Variants in CNTLN observed in about 807,000 individuals in gnomAD.
CNTLN encodes the protein centlein.
A neutral mutation model predicts 180.0 loss-of-function variants in CNTLN; 212 were observed. That is an observed-to-expected ratio of 1.18 (90% CI 1.05 to 1.32). The LOEUF is 1.32. Ranked by LOEUF, CNTLN falls within the 40% of genes most tolerant of loss-of-function variation. CNTLN has a pLI of 0.00. For synonymous variants in CNTLN, 722 were observed against 563.1 expected (o/e 1.28, Z -3.99); for missense variants, 2,095 against 1,610.9 (o/e 1.30, Z -5.14).
At chr9:17,461,097 TA>T (rs1163403927) in intron 19 of CNTLN, among the ~76,000 whole-genome samples, 1 of 151,536 alleles carries the variant, frequency 6.6e-6, no homozygotes, top group African/African-American at 2.4e-5. Context: ...CAGTAGTCCC[TA>T]AAGCCATCAC....
intron 18 of CNTLN, among the ~76,000 whole-genome samples, chr9:17,418,152 A>G (rs1412713814): frequency 6.6e-6 from 1 of 151,964 alleles, no homozygotes; most frequent in Non-Finnish European, 1.5e-5. Context: ...AGATGATAGA[A>G]AGGTCCAAGA....
chr9:17,177,944 G>T (rs909653675), intron 2 of CNTLN, among the ~76,000 whole-genome samples: 87 of 152,106 alleles, frequency 5.7e-4, no homozygotes, highest in Non-Finnish European at 1.0e-3. Flanking sequence ...TTTTGACAGG[G>T]TGCTGATTGG....
intron 2 of CNTLN, among the ~76,000 whole-genome samples, chr9:17,158,887 TA>T (rs1382885275): frequency 6.6e-6 from 1 of 152,058 alleles, no homozygotes; most frequent in Non-Finnish European, 1.5e-5. Flanking sequence ...TAATTTTTAT[TA>T]TTTCCTTCAT....
chr9:17,229,444 T>C (rs1824677275), intron 3 of CNTLN, among the ~76,000 whole-genome samples: 1 of 151,940 alleles, frequency 6.6e-6, no homozygotes, highest in Non-Finnish European at 1.5e-5. Context: ...ACTGATTTGT[T>C]TTAAGTAATA....
chr9:17,187,396 A>G (rs1198656528), intron 2 of CNTLN, among the ~76,000 whole-genome samples: 1 of 152,030 alleles, frequency 6.6e-6, no homozygotes, highest in East Asian at 1.9e-4. Context: ...TTTAAGGTTG[A>G]GAAAATGAGA....
rs12380098 is a variant in CNTLN at position 17,471,983 on chromosome 9, T to A, written c.3855+5092T>A. The stretch of plus-strand genomic sequence containing the variant: ...ATGGGTGGAAGGTAAAACATTTCAG[T>A]GAACCTAGCACAGTGAAGGCTCTAC... On this transcript the variant is annotated intron_variant, in intron 23 of 25. Coordinates refer to ENST00000380647, the MANE Select transcript of CNTLN (RefSeq NM_017738.4). Among the ~76,000 whole-genome samples the A allele has an allele frequency of 2.3e-3, 345 of 152,220 alleles. 2 individuals carry two copies. Among genetic ancestry groups the A allele is most frequent in the Middle Eastern group, 3.4e-3 (1 of 294 alleles).
chr9:17,312,538 C>T (rs1819264640), intron 8 of CNTLN, among the ~76,000 whole-genome samples: 1 of 147,260 alleles, frequency 6.8e-6, no homozygotes, highest in Non-Finnish European at 1.5e-5. Flanking sequence ...AGGTGCCCGC[C>T]ACCAAGCCCG....
rs114137217 is a variant in CNTLN at position 17,489,868 on chromosome 9, C to T, written c.4119+2802C>T. Among the ~76,000 whole-genome samples, 1,409 of 152,156 alleles carry T rather than the reference C, an allele frequency of 9.3e-3. 24 individuals are homozygous for T. Among genetic ancestry groups the T allele is most frequent in the African/African-American group, 0.031 (1,301 of 41,524 alleles). ...CCCCAGAGATTTCTAGTAATAAGAA[C>T]CACACTGAAAAAATCTTACTAAGTC... is the stretch of plus-strand genomic sequence containing the variant. On this transcript the variant is annotated intron_variant, in intron 25 of 25. Transcript: ENST00000380647.
chr9:17,338,721 A>G (rs115056080), intron 10 of CNTLN, among the ~76,000 whole-genome samples: 2 of 152,160 alleles, frequency 1.3e-5, no homozygotes, highest in African/African-American at 4.8e-5. Context: ...TAACCAAATT[A>G]ATATGAAAAA....
chr9:17,387,327 C>G (rs559289496), intron 13 of CNTLN, among the ~76,000 whole-genome samples: 1 of 152,028 alleles, frequency 6.6e-6, no homozygotes, highest in East Asian at 1.9e-4. Flanking sequence ...TCTTTTTTGT[C>G]CCCTTTTTAT....
intron 2 of CNTLN, among the ~76,000 whole-genome samples, chr9:17,179,121 G>A (rs1194379839): frequency 1.3e-5 from 2 of 148,980 alleles, no homozygotes; most frequent in Non-Finnish European, 3.0e-5. Flanking sequence ...GCGGGCGCCT[G>A]TAGTCCCAGC....
chr9:17,299,368 G>A (rs1224223314), intron 7 of CNTLN: 3 of 705,594 alleles, frequency 4.3e-6, no homozygotes, highest in South Asian at 6.5e-5. Flanking sequence ...TAGTAGTTGA[G>A]GCAAGTGAGG....
chr9:17,501,690 T>G (rs1349962149), intron 25 of CNTLN, among the ~76,000 whole-genome samples: 1 of 152,192 alleles, frequency 6.6e-6, no homozygotes, highest in African/African-American at 2.4e-5. Flanking sequence ...GAAACAGAAG[T>G]AGTCTATCCC....
At chr9:17,373,763 AATTG>A (rs1824524482) in intron 13 of CNTLN, among the ~76,000 whole-genome samples, 1 of 152,204 alleles carries the variant, frequency 6.6e-6, no homozygotes, top group Non-Finnish European at 1.5e-5. Context: ...ACAGCATGAA[AATTG>A]ACACATAGAC....
At chr9:17,331,913 C>G (rs1820669370) in intron 9 of CNTLN, among the ~76,000 whole-genome samples, 1 of 151,820 alleles carries the variant, frequency 6.6e-6, no homozygotes, top group East Asian at 1.9e-4. Flanking sequence ...TTTTTTCTGC[C>G]TTTAATAAAA....
intron 24 of CNTLN, among the ~76,000 whole-genome samples, chr9:17,485,237 A>G (rs1832835544): frequency 6.6e-6 from 1 of 152,126 alleles, no homozygotes; most frequent in Non-Finnish European, 1.5e-5. Flanking sequence ...CAGCTTCTCA[A>G]CAAATATTTG....
chr9:17,212,302 C>T (rs199781939), intron 2 of CNTLN, among the ~76,000 whole-genome samples: 1 of 152,114 alleles, frequency 6.6e-6, no homozygotes, highest in Non-Finnish European at 1.5e-5. Flanking sequence ...TTCTGCATCT[C>T]TTGAGATAAT....
intron 2 of CNTLN, among the ~76,000 whole-genome samples, chr9:17,160,267 T>C (rs1463701515): frequency 1.3e-5 from 2 of 152,198 alleles, no homozygotes; most frequent in African/African-American, 4.8e-5. Flanking sequence ...TCGTTTTCTA[T>C]GGGATTTTTC....
intron 5 of CNTLN, among the ~76,000 whole-genome samples, chr9:17,264,610 A>G (rs1827266032): frequency 6.6e-6 from 1 of 152,216 alleles, no homozygotes; most frequent in Non-Finnish European, 1.5e-5. Context: ...TGGGGATGAC[A>G]TTGAATCTAT....
Sources: gnomAD v4.1 joint callset for allele counts (sites outside exome capture counted in the v4.1 genomes callset) on GRCh38, gnomAD v4.1.1 for gene constraint, MANE v1.5 for transcripts, NCBI Gene and HGNC (gene_info 2026-07-23, HGNC 2026-07-21) for gene names.